ZNF713: variants seen among roughly 807,000 people sequenced by gnomAD.
ZNF713 encodes zinc finger protein 713.
ZNF713 carries 21 observed loss-of-function variants against 28.7 expected under a neutral mutation model. That is an observed-to-expected ratio of 0.73 (90% confidence interval 0.52 to 1.05). The LOEUF is 1.05. ZNF713 is among the 50% of genes least tolerant of loss of function. The pLI, the probability that ZNF713 is intolerant of heterozygous loss-of-function variation, is 0.00. For synonymous variants in ZNF713, 167 were observed against 178.0 expected (o/e 0.94, Z 0.49); for missense variants, 458 against 532.4 (o/e 0.86, Z 1.37).
chr7:55,914,097 C>A (rs772446045), intron 4 of ZNF713, among the ~76,000 whole-genome samples: 2 of 139,234 alleles, frequency 1.4e-5, no homozygotes, highest in Non-Finnish European at 3.0e-5. Context: ...GGCAACAGAG[C>A]GAGACTCCAT....
At chr7:55,892,555 C>CCAA (rs574054003) in intron 1 of ZNF713, among the ~76,000 whole-genome samples, 3 of 74,382 alleles carry the variant, frequency 4.0e-5, no homozygotes, top group African/African-American at 1.7e-4. Flanking sequence ...AAGCACTGAC[C>CCAA]AAAAAAAAAA....
intron 5 of ZNF713, 123 bp from the exon 6 acceptor site, chr7:55,923,484 C>A: frequency 9.3e-7 from 1 of 1,071,116 alleles, no homozygotes; most frequent in Non-Finnish European, 1.3e-6. Flanking sequence ...AGATGAGTGG[C>A]TTTATTTTGC....
At chr7:55,896,704 C>G (rs908975915) in intron 1 of ZNF713, among the ~76,000 whole-genome samples, 1 of 151,388 alleles carries the variant, frequency 6.6e-6, no homozygotes, top group Non-Finnish European at 1.5e-5. Context: ...GTTATGTCTG[C>G]TAAGAGGGCC....
intron 6 of ZNF713, among the ~76,000 whole-genome samples, chr7:55,928,600 G>A (rs1486741155): frequency 6.6e-6 from 1 of 152,086 alleles, no homozygotes; most frequent in Non-Finnish European, 1.5e-5. Context: ...GTTGAAGGTG[G>A]AACAAAGGTG....
In ZNF713 at chr7:55,919,492, T is replaced by TTTTTTTG. The variant is rs1562743509; in HGVS notation, c.88-3664_88-3663insGTTTTTT. ...TGGATAAATTGGTAAACACTCCAGT[T>TTTTTTTG]TTTTTTTTTTTTTTTTTTTTTTTTT... On this transcript the variant is annotated intron_variant, in intron 4 of 6. Coordinates refer to ENST00000429591, the MANE Select transcript of ZNF713 (RefSeq NM_182633.3). Among the ~76,000 whole-genome samples the TTTTTTTG allele has an allele frequency of 1.4e-3, 21 of 14,732 alleles. 2 individuals carry two copies. The highest frequency in any genetic ancestry group is 9.6e-3 in the African/African-American group (20 of 2,076). The allele number at this position is 14,732 out of a possible 152,430, so 9.7% of individuals were successfully genotyped here. A position where few individuals can be genotyped will look rare whatever the true frequency, so the allele number is the denominator to read the frequency against.
Position 55,894,329 on chromosome 7 carries a change from C to G in ZNF713, c.-583+6649C>G, listed in dbSNP as rs147123845. Among the ~76,000 whole-genome samples the G allele has an allele frequency of 2.3e-3, 352 of 152,288 alleles. 3 individuals carry two copies. Among genetic ancestry groups the G allele is most frequent in the African/African-American group, 7.7e-3 (318 of 41,562 alleles). On this transcript the variant is annotated intron_variant, in intron 1 of 6. Coordinates refer to ENST00000429591, the MANE Select transcript of ZNF713 (RefSeq NM_182633.3). ...CAGTTCTGCTGAGTTAATCCCTTTA[C>G]TTTATACTACCTTCTGTCTAAAGAC... is the stretch of plus-strand genomic sequence containing the variant.
chr7:55,923,385 C>G, intron 5 of ZNF713, 97 bp downstream of exon 5: 1 of 1,478,030 alleles, frequency 6.8e-7, no homozygotes, highest in South Asian at 1.4e-5. Context: ...ATAGTTTGGG[C>G]TGGGATAGAA....
chr7:55,898,901 C>A (rs1421040067), intron 1 of ZNF713, among the ~76,000 whole-genome samples: 1 of 151,872 alleles, frequency 6.6e-6, no homozygotes, highest in East Asian at 1.9e-4. Flanking sequence ...ATTAAAACCA[C>A]AATAAGAGAG....
chr7:55,925,830 G>A (rs979920484), intron 6 of ZNF713, among the ~76,000 whole-genome samples: 5 of 152,090 alleles, frequency 3.3e-5, no homozygotes, highest in East Asian at 1.9e-4. Flanking sequence ...AACCTGGGGA[G>A]TAGGAAACTA....
At chr7:55,932,602 C>T (rs992721332) in intron 6 of ZNF713, among the ~76,000 whole-genome samples, 1 of 150,312 alleles carries the variant, frequency 6.7e-6, no homozygotes, top group African/African-American at 2.4e-5. Context: ...TAAGAAGCTA[C>T]AGCTGGGCGC....
intron 1 of ZNF713, among the ~76,000 whole-genome samples, chr7:55,904,029 C>T (rs993677657): frequency 6.6e-6 from 1 of 151,722 alleles, no homozygotes; most frequent in African/African-American, 2.4e-5. Context: ...AAGAGTAGAT[C>T]TTGGGAAAAC....
intron 1 of ZNF713, among the ~76,000 whole-genome samples, chr7:55,887,886 CGGGCGGCGGCGGCGGCGGGA>C (rs1785304386): frequency 1.3e-5 from 1 of 74,724 alleles, no homozygotes; most frequent in African/African-American, 7.3e-5. Flanking sequence ...GCGGCGGCGG[CGGGCGGCGGCGGCGGCGGGA>C]GGCGGCAGGT....
chr7:55,916,534 T>G (rs1452316073), intron 4 of ZNF713, among the ~76,000 whole-genome samples: 1 of 152,252 alleles, frequency 6.6e-6, no homozygotes, highest in Non-Finnish European at 1.5e-5. Flanking sequence ...AATATAAGCT[T>G]CATAAAGGCA....
chr7:55,917,987 A>G (rs1300266087), intron 4 of ZNF713: 2 of 452,240 alleles, frequency 4.4e-6, no homozygotes, highest in South Asian at 1.6e-5. Context: ...TGGCCAAAAT[A>G]CCTCCCATCC....
At chr7:55,930,141 A>G (rs1019329031) in intron 6 of ZNF713, among the ~76,000 whole-genome samples, 5 of 152,066 alleles carry the variant, frequency 3.3e-5, no homozygotes, top group African/African-American at 1.2e-4. Flanking sequence ...GCTCACTGCA[A>G]CCTCTGCCTC....
chr7:55,900,026 G>T (rs1205377894), intron 1 of ZNF713, among the ~76,000 whole-genome samples: 1 of 152,018 alleles, frequency 6.6e-6, no homozygotes, highest in Non-Finnish European at 1.5e-5. Context: ...TTACAGGTGT[G>T]AGCCACCACA....
Position 55,941,720 on chromosome 7 carries a change from C to T in ZNF713, c.*1714C>T, listed in dbSNP as rs1786474680. 6.6e-6 allele frequency: 1 copy of T among 151,932 alleles called. No individual in the cohort carries two copies. Among genetic ancestry groups the T allele is most frequent in the South Asian group, 2.1e-4 (1 of 4,812 alleles). The allele number at this position is 151,932 out of a possible 1,614,324, so 9.4% of individuals were successfully genotyped here. A position where few individuals can be genotyped will look rare whatever the true frequency, so the allele number is the denominator to read the frequency against. On this transcript the variant is annotated 3_prime_UTR_variant, in exon 7 of 7. Transcript: ENST00000429591. Reference sequence around the variant, plus strand: ...TGCTAATTAAATTTATTCTACTCTTCATCAAAATAGATACATAACCTTGAA... The same window carrying T: ...TGCTAATTAAATTTATTCTACTCTTTATCAAAATAGATACATAACCTTGAA...
intron 6 of ZNF713, among the ~76,000 whole-genome samples, chr7:55,938,652 C>G (rs1211292225): frequency 6.6e-6 from 1 of 151,272 alleles, no homozygotes; most frequent in Non-Finnish European, 1.5e-5. Context: ...TTAATCATTC[C>G]CCTGTCTCCC....
chr7:55,907,533 T>TATACATCTA (rs1785703579), intron 2 of ZNF713, among the ~76,000 whole-genome samples: 1 of 152,228 alleles, frequency 6.6e-6, no homozygotes, highest in African/African-American at 2.4e-5. Context: ...CAATGTGGTC[T>TATACATCTA]GGGTTTCTGA....
Sources: gnomAD v4.1 joint callset for allele counts (sites outside exome capture counted in the v4.1 genomes callset) on GRCh38, gnomAD v4.1.1 for gene constraint, MANE v1.5 for transcripts, NCBI Gene and HGNC (gene_info 2026-07-23, HGNC 2026-07-21) for gene names.